The following GTF3C2 variants were observed in gnomAD, a reference collection of about 807,000 sequenced individuals.
The protein encoded by GTF3C2 is general transcription factor IIIC subunit 2.
In GTF3C2, 17 loss-of-function variants were observed where a neutral mutation model predicts 117.4. That is an observed-to-expected ratio of 0.14 (90% CI 0.10 to 0.22). GTF3C2 has a LOEUF of 0.22. Ranked by LOEUF, GTF3C2 falls within the 10% of genes least tolerant of loss-of-function variation. The pLI is 1.00. For synonymous variants in GTF3C2, 437 were observed against 427.0 expected, an observed-to-expected ratio of 1.02 and a Z score of -0.29; for missense variants, 888 against 1,143.6, an observed-to-expected ratio of 0.78 and a Z score of 3.22.
Position 27,329,204 on chromosome 2 carries a change from A to G in GTF3C2, c.1956T>C (p.Ser652=), listed in dbSNP as rs143400550. Residue 652 remains serine (S), a synonymous_variant, in exon 14 of 19, where the codon TCT becomes TCC. Transcript: ENST00000264720. The surrounding 1 kb of genome is among the most constrained non-coding windows in gnomAD (Gnocchi z 4.5). Reference sequence around the variant, plus strand: ...GTTCTGTACTCAAGAAGCGCTTGATAGAGTTTATGGGTTCGTAAGGACGTC... The same window carrying G: ...GTTCTGTACTCAAGAAGCGCTTGATGGAGTTTATGGGTTCGTAAGGACGTC... The G allele has an allele frequency of 7.3e-4, 1,178 of 1,613,772 alleles. No individual in the cohort carries two copies. The highest frequency in any genetic ancestry group is 8.6e-4 in the Non-Finnish European group (1,019 of 1,179,634).
chr2:27,333,787 G>T lies in GTF3C2; in HGVS notation c.1603-3C>A, dbSNP rs369271760. On this transcript the variant is annotated splice_region_variant and splice_polypyrimidine_tract_variant and intron_variant, in intron 11 of 18. Transcript: ENST00000264720. ...TGCAGAGTTGCCACACATTGTACCT[G>T]CAGGGAAAGAAGAGATGGGACTAGG... The T allele has an allele frequency of 6.2e-7, 1 of 1,601,654 alleles. No individual in the cohort carries two copies. Among genetic ancestry groups the T allele is most frequent in the Non-Finnish European group, 8.5e-7 (1 of 1,173,760 alleles).
At chr2:27,356,368 T>C (rs953526121) in intron 1 of GTF3C2, 49 of 321,300 alleles carry the variant, frequency 1.5e-4, no homozygotes, top group African/African-American at 7.5e-4. Context: ...TGAAGGTAGA[T>C]TTCTCCCCTA....
chr2:27,328,196 A>G lies in GTF3C2; in HGVS notation c.2257-7T>C, dbSNP rs753664636. ...GATCTGCTTTATATATAGGCTGGAAAGGAGACCATGAAATTAGGTTCTATA... is the reference window on the plus strand; with the variant it reads ...GATCTGCTTTATATATAGGCTGGAAGGGAGACCATGAAATTAGGTTCTATA... On this transcript the variant is annotated splice_polypyrimidine_tract_variant and splice_region_variant and intron_variant, in intron 16 of 18. Transcript: ENST00000264720. 5 of 1,564,870 alleles carry G rather than the reference A, an allele frequency of 3.2e-6. No homozygotes were observed. The highest frequency in any genetic ancestry group is 4.3e-6 in the Non-Finnish European group (5 of 1,158,632).
intron 12 of GTF3C2, among the ~76,000 whole-genome samples, chr2:27,331,063 A>C (rs1680256948): frequency 1.3e-5 from 2 of 152,200 alleles, no homozygotes; most frequent in Admixed American, 1.3e-4. Flanking sequence ...ACCTTTCTTG[A>C]AAAAGTTTGT....
rs370266775 is a variant in GTF3C2, at chr2:27,337,492, C to G, written c.1017G>C (p.Leu339Phe). Residue 339 changes from leucine (L) to phenylalanine (F), a missense_variant, in exon 6 of 19, where the codon TTG becomes TTC. By Grantham distance (22) the Leu-to-Phe change is conservative. Coordinates refer to ENST00000264720, the Ensembl canonical transcript of GTF3C2. ...TTGCTTCAACTTACAGCTCAGATAA[C>G]AAGTGCCACTTCCAGGCTAAAGGAA... 1.4e-5 allele frequency: 23 copies of G among 1,608,714 alleles called. No individual in the cohort carries two copies. Among genetic ancestry groups the G allele is most frequent in the Non-Finnish European group, 1.9e-5 (22 of 1,175,114 alleles).
rs1680362241 is a variant in GTF3C2 at position 27,333,855 on chromosome 2, T to C, written c.1603-71A>G. 3.4e-6 allele frequency: 5 copies of C among 1,487,836 alleles called. No individual in the cohort carries two copies. In the African/African-American group the frequency reaches 5.5e-5, roughly 17 times the overall value. 92.2% of individuals were successfully genotyped at this position (1,487,836 alleles called of 1,614,324 possible). A position where few individuals can be genotyped will look rare whatever the true frequency, so the allele number is the denominator to read the frequency against. On this transcript the variant is annotated intron_variant, in intron 11 of 18. Transcript: ENST00000264720. ...TGTTTGGAACGAAAGCTCAAATCAG[T>C]GCTTAATCCAGCAGGATGAGGGTAT...
chr2:27,343,300 G>T lies in GTF3C2; in HGVS notation c.247+8C>A. ...GGGAATAAAAAGATAAGAGGACAAGGTACATACCTGGCTGTTCCAGTCTGG... is the reference window on the plus strand; with the variant it reads ...GGGAATAAAAAGATAAGAGGACAAGTTACATACCTGGCTGTTCCAGTCTGG... On this transcript the variant is annotated splice_region_variant and intron_variant, in intron 2 of 18. Coordinates refer to ENST00000264720, the Ensembl canonical transcript of GTF3C2. 1 of 1,613,238 alleles carries T rather than the reference G, an allele frequency of 6.2e-7. No homozygotes were observed. Among genetic ancestry groups the T allele is most frequent in the Non-Finnish European group, 8.5e-7 (1 of 1,179,364 alleles).
At chr2:27,327,135 G>C (rs760166169) in intron 18 of GTF3C2, 42 bp downstream of exon 18, 2 of 1,087,572 alleles carry the variant, frequency 1.8e-6, no homozygotes, top group South Asian at 1.3e-5. Context: ...GCCCAGAACT[G>C]GGGGGAAATG....
chr2:27,342,672 T>C (rs1433934993), intron 3 of GTF3C2, 154 bp downstream of exon 3: 2 of 625,016 alleles, frequency 3.2e-6, no homozygotes, highest in Non-Finnish European at 5.8e-6. Flanking sequence ...TTAATAGTGC[T>C]GCGGTAAGAG....
chr2:27,329,027 C>CTA lies in GTF3C2; in HGVS notation c.2039+93_2039+94insTA, dbSNP rs1376925081. On this transcript the variant is annotated intron_variant, in intron 14 of 18. Transcript: ENST00000264720. This position sits in a 1 kb window ranked among gnomAD's most constrained non-coding sequence, Gnocchi z 4.5. ...AATTTAAACCACCTCAGTGAACCAA[C>CTA]TCTCTACCCTCCTCTCCCCACAACA... 3 of 1,488,880 alleles carry CTA rather than the reference C, an allele frequency of 2.0e-6. No individual in the cohort carries two copies. Among genetic ancestry groups the CTA allele is most frequent in the Non-Finnish European group, 2.8e-6 (3 of 1,068,194 alleles). The allele number at this position is 1,488,880 out of a possible 1,614,324, so 92.2% of individuals were successfully genotyped here. A position where few individuals can be genotyped will look rare whatever the true frequency, so the allele number is the denominator to read the frequency against.
chr2:27,356,510 G>A (rs1439523466), intron 1 of GTF3C2: 1 of 232,882 alleles, frequency 4.3e-6, no homozygotes, highest in East Asian at 8.7e-5. Flanking sequence ...CGTGGGGGAG[G>A]AGGGCAAGAC....
exon 3 of GTF3C2, chr2:27,342,845 G>A (rs1206175945): frequency 4.3e-6 from 7 of 1,613,622 alleles, no homozygotes; most frequent in East Asian, 2.2e-5. Context: ...GCCCTTCGGC[G>A]GGGTCGTTCC....
Position 27,328,032 on chromosome 2 carries a change from C to T in GTF3C2, c.2409+5G>A, listed in dbSNP as rs1372193602. ...ACCACACCCATTCTCCTGGCCTCAGCTTACCAAATCTGTGTCTTGAAAGAG... is the reference window on the plus strand; with the variant it reads ...ACCACACCCATTCTCCTGGCCTCAGTTTACCAAATCTGTGTCTTGAAAGAG... On this transcript the variant is annotated splice_donor_5th_base_variant and intron_variant, in intron 17 of 18. Transcript: ENST00000264720. The T allele has an allele frequency of 6.2e-7, 1 of 1,608,836 alleles. No individual in the cohort carries two copies. Among genetic ancestry groups the T allele is most frequent in the South Asian group, 1.1e-5 (1 of 90,088 alleles).
chr2:27,326,258 G>A, exon 19 of GTF3C2: 1 of 474,952 alleles, frequency 2.1e-6, no homozygotes, highest in Non-Finnish European at 4.3e-6. Context: ...ATTGGATCCT[G>A]GAATAGTCAG....
chr2:27,336,089 G>T, intron 8 of GTF3C2, 61 bp from the exon 9 acceptor site: 1 of 1,401,816 alleles, frequency 7.1e-7, no homozygotes, highest in Non-Finnish European at 1.0e-6. Context: ...GCTGCCAGAG[G>T]TAAGCTCCCC....
chr2:27,338,532 G>T (rs1558617715), intron 4 of GTF3C2, among the ~76,000 whole-genome samples: 1 of 151,888 alleles, frequency 6.6e-6, no homozygotes, highest in East Asian at 1.9e-4. Context: ...CTGTCTTTTT[G>T]TTTTTTTGTT....
intron 1 of GTF3C2, among the ~76,000 whole-genome samples, chr2:27,355,555 G>A (rs1397849868): frequency 1.3e-5 from 2 of 151,846 alleles, no homozygotes; most frequent in African/African-American, 4.8e-5. Flanking sequence ...ATGGAAGGCA[G>A]CAGCAGGATG....
At chr2:27,339,178 G>A (rs934624857) in intron 4 of GTF3C2, among the ~76,000 whole-genome samples, 2 of 151,964 alleles carry the variant, frequency 1.3e-5, no homozygotes, top group African/African-American at 4.8e-5. Flanking sequence ...GGAGGCCGAG[G>A]CGGGCGGATC....
At chr2:27,350,356 C>A (rs1053780083) in intron 1 of GTF3C2, 3 of 945,072 alleles carry the variant, frequency 3.2e-6, no homozygotes, top group African/African-American at 3.5e-5. Flanking sequence ...TGTGTTTTAA[C>A]AAGCTCTTCA....
Sources: allele counts gnomAD v4.1 joint callset (sites outside exome capture counted in the v4.1 genomes callset), GRCh38; gene constraint gnomAD v4.1.1; non-coding constraint Gnocchi (gnomAD v3.1); transcripts MANE v1.5; gene names NCBI Gene and HGNC (gene_info 2026-07-23, HGNC 2026-07-21).